PRKAG2: variants seen among roughly 807,000 people sequenced by gnomAD.
The protein encoded by PRKAG2 is 5'-AMP-activated protein kinase subunit gamma-2.
PRKAG2 carries 26 observed loss-of-function variants against 69.6 expected under a neutral mutation model. The ratio of observed to expected loss-of-function variants is 0.37; its 90% CI spans 0.27 to 0.52. The LOEUF is 0.52. PRKAG2 is among the 20% of genes least tolerant of loss of function. The pLI, the probability that PRKAG2 is intolerant of heterozygous loss-of-function variation, is 0.90. For missense variants in PRKAG2, 557 were observed against 740.0 expected, an observed-to-expected ratio of 0.75 and a Z score of 2.87; for synonymous variants, 293 against 285.0, an observed-to-expected ratio of 1.03 and a Z score of -0.28.
At chr7:151,566,162 C>T (rs919132533) in intron 11 of PRKAG2, among the ~76,000 whole-genome samples, 37 of 152,240 alleles carry the variant, frequency 2.4e-4, no homozygotes, top group African/African-American at 1.7e-4. Context: ...ACTAAGAACG[C>T]GTATAGAACC....
At chr7:151,600,109 A>G (rs1252973152) in intron 5 of PRKAG2, among the ~76,000 whole-genome samples, 2 of 152,108 alleles carry the variant, frequency 1.3e-5, no homozygotes, top group Non-Finnish European at 2.9e-5. Flanking sequence ...TGGATTCCAA[A>G]GCTGTGTTCT....
chr7:151,703,904 A>G (rs989601075), intron 3 of PRKAG2, among the ~76,000 whole-genome samples: 1 of 136,292 alleles, frequency 7.3e-6, no homozygotes, highest in African/African-American at 3.0e-5. Flanking sequence ...ACACACACAC[A>G]CACACAAATT....
At position 151,632,060 on chromosome 7, in the gene PRKAG2, C is replaced by T. The variant is rs1824634692; in HGVS notation, c.754+9G>A. ...AGCGCCGGGCCGGCAGCGGGCGGGG[C>T]GCACTCACCTTCGTCCTCGAACTCC... is the stretch of plus-strand genomic sequence containing the variant. On this transcript the variant is annotated intron_variant, in intron 5 of 15. Transcript: ENST00000287878. The surrounding 1 kb of genome is among the most constrained non-coding windows in gnomAD (Gnocchi z 4.2). The T allele has an allele frequency of 1.4e-6, 2 of 1,381,894 alleles. No homozygotes were observed. The highest frequency in any genetic ancestry group is 1.5e-5 in the African/African-American group (1 of 67,140). 85.6% of individuals were successfully genotyped at this position (1,381,894 alleles called of 1,614,324 possible).
chr7:151,729,313 A>G (rs931816999), intron 3 of PRKAG2, among the ~76,000 whole-genome samples: 1 of 151,906 alleles, frequency 6.6e-6, no homozygotes, highest in South Asian at 2.1e-4. Context: ...ACAAACAAGG[A>G]TGCCGCACCC....
intron 3 of PRKAG2, among the ~76,000 whole-genome samples, chr7:151,731,549 T>A (rs1430009945): frequency 7.6e-6 from 1 of 131,096 alleles, no homozygotes; most frequent in Non-Finnish European, 1.7e-5. Context: ...CACAGGTACA[T>A]GACATGTGTG....
At chr7:151,631,304 T>C (rs1453319591) in intron 5 of PRKAG2, among the ~76,000 whole-genome samples, 1 of 152,256 alleles carries the variant, frequency 6.6e-6, no homozygotes, top group Non-Finnish European at 1.5e-5. Context: ...TCATTTTACA[T>C]ATTAATTTTG....
chr7:151,636,267 T>G (rs1004002005), intron 4 of PRKAG2, among the ~76,000 whole-genome samples: 2 of 152,176 alleles, frequency 1.3e-5, no homozygotes, highest in African/African-American at 2.4e-5. Flanking sequence ...AGTTTACATT[T>G]TCATCATCCC....
chr7:151,627,165 A>G (rs775731358), intron 5 of PRKAG2, among the ~76,000 whole-genome samples: 8 of 152,216 alleles, frequency 5.3e-5, no homozygotes, highest in African/African-American at 1.9e-4. Context: ...AAGCCCGGAG[A>G]GGCCTCACGG....
intron 1 of PRKAG2, among the ~76,000 whole-genome samples, chr7:151,861,885 T>C (rs1015397507): frequency 1.3e-5 from 2 of 151,808 alleles, no homozygotes; most frequent in African/African-American, 4.8e-5. Context: ...CCCAAACTCA[T>C]GCTCCCTCCC....
At chr7:151,643,677 T>C (rs1434232290) in intron 4 of PRKAG2, among the ~76,000 whole-genome samples, 1 of 152,224 alleles carries the variant, frequency 6.6e-6, no homozygotes, top group Non-Finnish European at 1.5e-5. Context: ...CAGTGTTACA[T>C]AGCCACTTAT....
chr7:151,669,153 C>G (rs1257338685), intron 4 of PRKAG2, among the ~76,000 whole-genome samples: 1 of 152,220 alleles, frequency 6.6e-6, no homozygotes, highest in Non-Finnish European at 1.5e-5. Flanking sequence ...CTCACTCTTT[C>G]CCCAGTAGGG....
intron 3 of PRKAG2, among the ~76,000 whole-genome samples, chr7:151,698,269 G>A (rs1291507466): frequency 2.0e-5 from 3 of 152,216 alleles, no homozygotes; most frequent in Non-Finnish European, 4.4e-5. Flanking sequence ...CAGGTCCCTT[G>A]TGAGGCCTCA....
At chr7:151,590,371 G>A (rs1191883450) in intron 6 of PRKAG2, among the ~76,000 whole-genome samples, 2 of 152,254 alleles carry the variant, frequency 1.3e-5, no homozygotes, top group African/African-American at 4.8e-5. Context: ...TAACTCTGCG[G>A]GGTGTGGATG....
Position 151,641,244 on chromosome 7 carries a change from C to CTT in PRKAG2, c.685-9108_685-9107dup, listed in dbSNP as rs374667332. Among the ~76,000 whole-genome samples the CTT allele has an allele frequency of 1.9e-3, 198 of 105,670 alleles. 2 individuals carry two copies. Among genetic ancestry groups the CTT allele is most frequent in the Non-Finnish European group, 2.3e-3 (126 of 53,922 alleles). 69.3% of individuals were successfully genotyped at this position (105,670 alleles called of 152,430 possible). ...AGCTTTTTTGTTCCCTTCTTTTTTC[C>CTT]TTTTTTTTTTTTTTTTTTTTTTGAG... is the stretch of plus-strand genomic sequence containing the variant. On this transcript the variant is annotated intron_variant, in intron 4 of 15. Transcript: ENST00000287878.
At chr7:151,587,128 G>A (rs1041665587) in intron 6 of PRKAG2, among the ~76,000 whole-genome samples, 8 of 152,150 alleles carry the variant, frequency 5.3e-5, no homozygotes, top group Non-Finnish European at 7.4e-5. Flanking sequence ...GCGACAGAGC[G>A]AGACTCTGCC....
At chr7:151,587,017 T>G (rs1811837166) in intron 6 of PRKAG2, among the ~76,000 whole-genome samples, 1 of 152,094 alleles carries the variant, frequency 6.6e-6, no homozygotes, top group Non-Finnish European at 1.5e-5. Context: ...AAAAGTTAGC[T>G]AGGCGTGTTG....
chr7:151,705,500 T>C (rs1247151478), intron 3 of PRKAG2, among the ~76,000 whole-genome samples: 1 of 152,018 alleles, frequency 6.6e-6, no homozygotes, highest in Non-Finnish European at 1.5e-5. Context: ...CACACACAGC[T>C]GGGCGAGGGG....
intron 4 of PRKAG2, among the ~76,000 whole-genome samples, chr7:151,657,887 G>A (rs1049470647): frequency 6.6e-6 from 1 of 152,226 alleles, no homozygotes; most frequent in Admixed American, 6.5e-5. Flanking sequence ...GGCAGGTGCA[G>A]TGGCTCATGC....
chr7:151,703,943 T>C (rs1222759996), intron 3 of PRKAG2, among the ~76,000 whole-genome samples: 1 of 143,922 alleles, frequency 6.9e-6, no homozygotes, highest in Non-Finnish European at 1.5e-5. Context: ...GTGCCTGTAA[T>C]CCCAGCTACT....
Sources: allele counts gnomAD v4.1 joint callset (sites outside exome capture counted in the v4.1 genomes callset), GRCh38; gene constraint gnomAD v4.1.1; non-coding constraint Gnocchi (gnomAD v3.1); transcripts MANE v1.5; gene names NCBI Gene and HGNC (gene_info 2026-07-23, HGNC 2026-07-21).